KLHL29: variants seen among roughly 807,000 people sequenced by gnomAD.
KLHL29 encodes the protein kelch-like protein 29.
A neutral mutation model predicts 80.4 loss-of-function variants in KLHL29; 21 were observed. The ratio of observed to expected loss-of-function variants is 0.26; its 90% CI spans 0.19 to 0.38. KLHL29 has a LOEUF of 0.38. Ranked by LOEUF, KLHL29 falls within the 10% of genes least tolerant of loss-of-function variation. The probability of loss-of-function intolerance (pLI) is 1.00; values close to 1 mark genes in which losing one functional copy is unlikely to be tolerated. For synonymous variants in KLHL29, 511 were observed against 526.8 expected (o/e 0.97, Z 0.41); for missense variants, 867 against 1,223.9 (o/e 0.71, Z 4.35).
chr2:23,645,052 A>G (rs1277482715), intron 5 of KLHL29, among the ~76,000 whole-genome samples: 1 of 152,198 alleles, frequency 6.6e-6, no homozygotes, highest in Non-Finnish European at 1.5e-5. Flanking sequence ...TTATATTTGC[A>G]GGGAAGAAAG....
chr2:23,706,794 GT>G lies in KLHL29; in HGVS notation c.*132del, dbSNP rs1158006450. The G allele has an allele frequency of 3.2e-6, 2 of 624,354 alleles. No individual in the cohort carries two copies. Among genetic ancestry groups the G allele is most frequent in the Non-Finnish European group, 5.3e-6 (2 of 377,854 alleles). The allele number at this position is 624,354 out of a possible 1,614,324, so 38.7% of individuals were successfully genotyped here. ...TCAAGGAACTCACTGCGCTCAACAT[GT>G]TGAATATTCTCTACATTGAATGTAG... On this transcript the variant is annotated 3_prime_UTR_variant, in exon 14 of 14. Coordinates refer to ENST00000486442, the MANE Select transcript of KLHL29 (RefSeq NM_052920.2).
intron 3 of KLHL29, among the ~76,000 whole-genome samples, chr2:23,610,201 T>C (rs1668824530): frequency 6.6e-6 from 1 of 152,170 alleles, no homozygotes; most frequent in African/African-American, 2.4e-5. Context: ...GATGGGGCGA[T>C]ACTGCTGCTG....
chr2:23,589,028 A>T lies in KLHL29; in HGVS notation c.285+26547A>T, dbSNP rs529993817. On this transcript the variant is annotated intron_variant, in intron 3 of 13. Transcript: ENST00000486442. ...GTTTATGTGTTTGTCTCCTGGTTAC[A>T]CGTGTGTTCCTCGAGCCCCAGGATG... Among the ~76,000 whole-genome samples the T allele has an allele frequency of 2.8e-4, 42 of 152,234 alleles. 1 individual carries two copies. The highest frequency in any genetic ancestry group is 5.6e-4 in the Non-Finnish European group (38 of 68,034).
At chr2:23,548,867 C>A (rs1164459118) in intron 2 of KLHL29, among the ~76,000 whole-genome samples, 1 of 152,178 alleles carries the variant, frequency 6.6e-6, no homozygotes, top group South Asian at 2.1e-4. Context: ...GTGGGCCCTC[C>A]TCTGTTACAG....
In KLHL29 at chr2:23,682,869, G is replaced by A. The variant is rs532660806; in HGVS notation, c.941-1530G>A. ...TGACTCCAGACTCAGTGTGACTTGG[G>A]GTTGGCGGGGTCAGTGATTCGGCCT... On this transcript the variant is annotated intron_variant, in intron 5 of 13. Transcript: ENST00000486442. The surrounding 1 kb of genome is among the most constrained non-coding windows in gnomAD (Gnocchi z 4.1). Among the ~76,000 whole-genome samples, 1 of 137,990 alleles carries A rather than the reference G, an allele frequency of 7.2e-6. No homozygotes were observed. Among genetic ancestry groups the A allele is most frequent in the South Asian group, 2.6e-4 (1 of 3,832 alleles). 90.5% of individuals were successfully genotyped at this position (137,990 alleles called of 152,430 possible). A position where few individuals can be genotyped will look rare whatever the true frequency, so the allele number is the denominator to read the frequency against.
intron 2 of KLHL29, among the ~76,000 whole-genome samples, chr2:23,543,912 A>G (rs1022345234): frequency 4.1e-4 from 63 of 152,040 alleles, no homozygotes; most frequent in South Asian, 2.1e-4. Flanking sequence ...CGGGCTGGTG[A>G]TGTCATCTCC....
intron 1 of KLHL29, among the ~76,000 whole-genome samples, chr2:23,473,635 T>C (rs1168953679): frequency 6.6e-6 from 1 of 152,110 alleles, no homozygotes; most frequent in Non-Finnish European, 1.5e-5. Flanking sequence ...GCCTATTCCA[T>C]ATTCATTCGG....
intron 3 of KLHL29, among the ~76,000 whole-genome samples, chr2:23,631,634 C>A (rs958447315): frequency 6.6e-6 from 1 of 152,174 alleles, no homozygotes; most frequent in Non-Finnish European, 1.5e-5. Context: ...CCCCTGGCCC[C>A]GCGTAGGGAT....
intron 2 of KLHL29, among the ~76,000 whole-genome samples, chr2:23,525,614 C>T (rs981528105): frequency 6.6e-5 from 10 of 152,172 alleles, no homozygotes; most frequent in Non-Finnish European, 1.3e-4. Context: ...CCCAGACCCC[C>T]GTCCTGAGCT....
chr2:23,439,045 G>T (rs1159318441), intron 1 of KLHL29, among the ~76,000 whole-genome samples: 1 of 149,374 alleles, frequency 6.7e-6, no homozygotes, highest in African/African-American at 2.5e-5. Context: ...TTGGGAGAGT[G>T]TATGTGTCGA....
At chr2:23,482,247 C>T (rs1398102519) in intron 2 of KLHL29, among the ~76,000 whole-genome samples, 2 of 152,214 alleles carry the variant, frequency 1.3e-5, no homozygotes, top group Non-Finnish European at 2.9e-5. Flanking sequence ...AGCTACAGAA[C>T]CTTGTTTGGC....
intron 3 of KLHL29, among the ~76,000 whole-genome samples, chr2:23,564,554 G>A (rs1007509839): frequency 9.2e-5 from 14 of 152,322 alleles, no homozygotes; most frequent in African/African-American, 3.4e-4. Context: ...TGGGGGGAAG[G>A]GAGGACAGCA....
At chr2:23,409,486 T>A (rs890116591) in intron 1 of KLHL29, among the ~76,000 whole-genome samples, 2 of 152,226 alleles carry the variant, frequency 1.3e-5, no homozygotes, top group African/African-American at 4.8e-5. Flanking sequence ...CTTTTACTCT[T>A]TGCTTTTTAT....
intron 3 of KLHL29, among the ~76,000 whole-genome samples, chr2:23,637,962 G>A (rs1229593564): frequency 2.6e-5 from 4 of 151,916 alleles, no homozygotes; most frequent in African/African-American, 9.7e-5. Flanking sequence ...TGGGAGCTGT[G>A]CTGACTCTTC....
At chr2:23,704,828 A>G (rs1241127137) in intron 13 of KLHL29, among the ~76,000 whole-genome samples, 6 of 152,254 alleles carry the variant, frequency 3.9e-5, no homozygotes, top group African/African-American at 1.4e-4. Context: ...TGCTTCCTGA[A>G]GACATCTTGT....
chr2:23,440,175 A>G (rs547184973), intron 1 of KLHL29, among the ~76,000 whole-genome samples: 12 of 152,316 alleles, frequency 7.9e-5, no homozygotes, highest in Non-Finnish European at 1.2e-4. Context: ...ATAACGCCGC[A>G]TATCTACAAC....
rs531640989 is a variant in KLHL29, at chr2:23,684,037, C to T, written c.941-362C>T. ...CCATTGGCATTTGGAGAACTTGCTCCGTAGTTATTTGACAGTTTTTAGTTG... is the reference window on the plus strand; with the variant it reads ...CCATTGGCATTTGGAGAACTTGCTCTGTAGTTATTTGACAGTTTTTAGTTG... On this transcript the variant is annotated intron_variant, in intron 5 of 13. Transcript: ENST00000486442. The surrounding 1 kb of genome is among the most constrained non-coding windows in gnomAD (Gnocchi z 4.4). Among the ~76,000 whole-genome samples, 7 of 152,236 alleles carry T rather than the reference C, an allele frequency of 4.6e-5. No individual in the cohort carries two copies. The East Asian group carries it at 5.8e-4, about 13-fold the overall frequency.
chr2:23,557,678 C>T (rs1347935767), intron 2 of KLHL29, among the ~76,000 whole-genome samples: 1 of 152,100 alleles, frequency 6.6e-6, no homozygotes, highest in Non-Finnish European at 1.5e-5. Flanking sequence ...TAGGAGACCC[C>T]TTTGACCTGA....
chr2:23,476,761 A>G (rs1253419469), intron 2 of KLHL29, among the ~76,000 whole-genome samples: 1 of 152,234 alleles, frequency 6.6e-6, no homozygotes, highest in East Asian at 1.9e-4. Flanking sequence ...TTAGAGTCCT[A>G]GCTTAAACTT....
Sources: gnomAD v4.1 joint callset for allele counts (sites outside exome capture counted in the v4.1 genomes callset) on GRCh38, gnomAD v4.1.1 for gene constraint, Gnocchi (gnomAD v3.1) non-coding constraint, MANE v1.5 for transcripts, NCBI Gene and HGNC (gene_info 2026-07-23, HGNC 2026-07-21) for gene names.